WDPCP: variants seen among roughly 807,000 people sequenced by gnomAD.
WDPCP encodes WD repeat containing planar cell polarity effector.
In WDPCP, 71 loss-of-function variants were observed where a neutral mutation model predicts 93.1. That is an observed-to-expected ratio of 0.76 (90% CI 0.63 to 0.93). The LOEUF is 0.93. Ranked by LOEUF, WDPCP falls within the 40% of genes least tolerant of loss-of-function variation. WDPCP has a pLI of 0.00. For synonymous variants in WDPCP, 315 were observed against 315.0 expected (o/e 1.00, Z 0.00); for missense variants, 844 against 887.4 (o/e 0.95, Z 0.62).
At chr2:63,551,798 T>G (rs1308212131) in intron 1 of WDPCP, among the ~76,000 whole-genome samples, 1 of 151,998 alleles carries the variant, frequency 6.6e-6, no homozygotes, top group East Asian at 2.0e-4. Flanking sequence ...TGTGAATTAT[T>G]TGTTACATAA....
intron 2 of WDPCP, among the ~76,000 whole-genome samples, chr2:63,809,656 G>T (rs1670832076): frequency 6.6e-6 from 1 of 151,932 alleles, no homozygotes; most frequent in Admixed American, 6.5e-5. Flanking sequence ...TCCACTCAGG[G>T]TTAAATGGAT....
chr2:63,579,486 T>G (rs1406328608), intron 1 of WDPCP, among the ~76,000 whole-genome samples: 1 of 152,122 alleles, frequency 6.6e-6, no homozygotes, highest in Non-Finnish European at 1.5e-5. Context: ...GGCACACACC[T>G]GTAGTCCCAG....
chr2:63,717,469 G>T, intron 2 of WDPCP: 1 of 395,958 alleles, frequency 2.5e-6, no homozygotes, highest in South Asian at 2.0e-5. Flanking sequence ...AAGAATTAAG[G>T]GCGGCAAAGA....
intron 12 of WDPCP, among the ~76,000 whole-genome samples, chr2:63,351,263 T>A (rs913028970): frequency 2.0e-5 from 3 of 152,204 alleles, no homozygotes; most frequent in Admixed American, 2.0e-4. Flanking sequence ...ATTATAGGCA[T>A]GAGCCACTGT....
intron 3 of WDPCP, among the ~76,000 whole-genome samples, chr2:63,619,823 A>G (rs1709712841): frequency 6.6e-6 from 1 of 152,146 alleles, no homozygotes; most frequent in South Asian, 2.1e-4. Flanking sequence ...TGAGGTACCC[A>G]GCTCATCTCA....
Position 63,583,900 on chromosome 2 carries a change from G to A in WDPCP, c.75+4297C>T, listed in dbSNP as rs529557364. Among the ~76,000 whole-genome samples, 7 of 152,076 alleles carry A rather than the reference G, an allele frequency of 4.6e-5. No individual in the cohort carries two copies. The South Asian group carries it at 8.3e-4, about 18-fold the overall frequency. On this transcript the variant is annotated intron_variant, in intron 1 of 17. Transcript: ENST00000272321. ...GCAGGAGGATCATTCAAGCCCAGGC[G>A]TTCTAGACCAGCCTCAGCAACCTAG...
At chr2:63,329,222 C>T (rs1687796070) in intron 12 of WDPCP, among the ~76,000 whole-genome samples, 1 of 152,188 alleles carries the variant, frequency 6.6e-6, no homozygotes, top group Non-Finnish European at 1.5e-5. Flanking sequence ...CTGGCAATAA[C>T]TATTCTACTC....
intron 1 of WDPCP, among the ~76,000 whole-genome samples, chr2:63,567,253 ACCCTATCCTT>A (rs1475236451): frequency 6.6e-6 from 1 of 151,632 alleles, no homozygotes; most frequent in East Asian, 1.9e-4. Flanking sequence ...GAAAATTCAA[ACCCTATCCTT>A]CCCTTGGTCT....
chr2:63,573,011 C>A (rs1358400683), intron 1 of WDPCP, among the ~76,000 whole-genome samples: 1 of 152,024 alleles, frequency 6.6e-6, no homozygotes, highest in African/African-American at 2.4e-5. Flanking sequence ...CTTTTGGAGG[C>A]CAAGGCAGGA....
At chr2:63,385,476 C>T (rs1692652940) in intron 10 of WDPCP, among the ~76,000 whole-genome samples, 1 of 151,930 alleles carries the variant, frequency 6.6e-6, no homozygotes, top group African/African-American at 2.4e-5. Flanking sequence ...TCTACATAAT[C>T]CCAATGAACA....
At chr2:63,190,350 T>C (rs981633196) in intron 14 of WDPCP, among the ~76,000 whole-genome samples, 1 of 149,984 alleles carries the variant, frequency 6.7e-6, no homozygotes, top group Non-Finnish European at 1.5e-5. Flanking sequence ...GAGGAGCACC[T>C]GACCTGGGGA....
At chr2:63,399,839 T>G (rs6761367) in intron 10 of WDPCP, among the ~76,000 whole-genome samples, 105 of 152,274 alleles carry the variant, frequency 6.9e-4, no homozygotes, top group African/African-American at 2.4e-3. Flanking sequence ...ATGAATAGAT[T>G]TAGCTGCATT....
intron 9 of WDPCP, among the ~76,000 whole-genome samples, chr2:63,409,769 GA>G (rs1694896889): frequency 6.6e-6 from 1 of 152,222 alleles, no homozygotes; most frequent in African/African-American, 2.4e-5. Context: ...AAGTATCAGC[GA>G]TAGCATTAAC....
chr2:63,340,688 A>C (rs569561582), intron 12 of WDPCP, among the ~76,000 whole-genome samples: 1 of 152,214 alleles, frequency 6.6e-6, no homozygotes, highest in South Asian at 2.1e-4. Context: ...TGAAAGTCCA[A>C]TTCTCCTACC....
chr2:63,510,818 C>CA (rs753882720), intron 1 of WDPCP, among the ~76,000 whole-genome samples: 41 of 151,512 alleles, frequency 2.7e-4, no homozygotes, highest in South Asian at 2.5e-3. Context: ...TAAAAAATAC[C>CA]AAAAAAAATT....
intron 2 of WDPCP, among the ~76,000 whole-genome samples, chr2:63,726,734 T>C (rs1374602500): frequency 6.6e-6 from 1 of 152,226 alleles, no homozygotes; most frequent in Non-Finnish European, 1.5e-5. Context: ...TGTTTTGTAA[T>C]TCTCATTGTA....
chr2:63,766,370 C>T (rs1195065219), intron 2 of WDPCP, among the ~76,000 whole-genome samples: 1 of 151,054 alleles, frequency 6.6e-6, no homozygotes, highest in African/African-American at 2.4e-5. Flanking sequence ...TGTGTTGTCT[C>T]CCAGGCTGGA....
At chr2:63,317,349 A>G (rs1686723026) in intron 12 of WDPCP, among the ~76,000 whole-genome samples, 1 of 150,914 alleles carries the variant, frequency 6.6e-6, no homozygotes, top group South Asian at 2.1e-4. Flanking sequence ...CAGAGGTTGC[A>G]GTGAGCCAAG....
chr2:63,575,416 A>ACAGTGTATG lies in WDPCP; in HGVS notation c.75+12780_75+12781insCATACACTG, dbSNP rs1558832058. Among the ~76,000 whole-genome samples the ACAGTGTATG allele has an allele frequency of 1.0e-3, 23 of 22,708 alleles. 1 individual carries two copies. Among genetic ancestry groups the ACAGTGTATG allele is most frequent in the Middle Eastern group, 0.014 (1 of 72 alleles). 14.9% of individuals were successfully genotyped at this position (22,708 alleles called of 152,430 possible). On this transcript the variant is annotated intron_variant, in intron 1 of 17. Coordinates refer to ENST00000272321, the MANE Select transcript of WDPCP (RefSeq NM_015910.7). Reference sequence around the variant, plus strand: ...TATATACAGTATATATACAGTATATACACTGTATACAGTGTATATACAGTG... The same window carrying ACAGTGTATG: ...TATATACAGTATATATACAGTATATACAGTGTATGCACTGTATACAGTGTATATACAGTG...
Sources: gnomAD v4.1 joint callset for allele counts (sites outside exome capture counted in the v4.1 genomes callset) on GRCh38, gnomAD v4.1.1 for gene constraint, MANE v1.5 for transcripts, NCBI Gene and HGNC (gene_info 2026-07-23, HGNC 2026-07-21) for gene names.